Variants in CSMD2 observed in about 807,000 individuals in gnomAD.
CSMD2 encodes CUB and sushi domain-containing protein 2.
Under a neutral mutation model 398.5 loss-of-function variants are expected in CSMD2, and 130 were observed. The ratio of observed to expected loss-of-function variants is 0.33; its 90% CI spans 0.28 to 0.38. CSMD2 has a LOEUF of 0.38. Among genes scored for constraint, CSMD2 ranks in the 10% least tolerant of loss-of-function variants. CSMD2 has a pLI of 1.00. For missense variants in CSMD2, 3,829 were observed against 4,764.9 expected, an observed-to-expected ratio of 0.80 and a Z score of 5.78; for synonymous variants, 1,828 against 1,908.5, an observed-to-expected ratio of 0.96 and a Z score of 1.10.
intron 5 of CSMD2, among the ~76,000 whole-genome samples, chr1:33,850,242 C>T (rs1162772004): frequency 6.6e-6 from 1 of 152,142 alleles, no homozygotes; most frequent in Non-Finnish European, 1.5e-5. Flanking sequence ...CACACACACA[C>T]ACAGTTCTCC....
At chr1:33,857,613 C>T (rs1639191586) in intron 5 of CSMD2, among the ~76,000 whole-genome samples, 1 of 152,092 alleles carries the variant, frequency 6.6e-6, no homozygotes, top group Non-Finnish European at 1.5e-5. Flanking sequence ...GATTCACTCT[C>T]TCACCTTCAC....
At position 33,779,718 on chromosome 1, in the gene CSMD2, C is replaced by T. The variant is rs978582294; in HGVS notation, c.1664-6967G>A. On this transcript the variant is annotated intron_variant, in intron 12 of 70. Coordinates refer to ENST00000373381, the MANE Select transcript of CSMD2 (RefSeq NM_001281956.2). ...GCAGACTTAGGAGCTCTTTCTCTCT[C>T]GCTCCCAGCCCCCTTGGACATTTCT... Among the ~76,000 whole-genome samples the T allele has an allele frequency of 6.6e-5, 10 of 152,336 alleles. No individual in the cohort carries two copies. The South Asian group carries it at 8.3e-4, about 13-fold the overall frequency.
rs1260373952 is a variant in CSMD2 at position 34,164,972 on chromosome 1, TGGC to T, written c.123_125del (p.Pro42del). 2 of 1,214,570 alleles carry T rather than the reference TGGC, an allele frequency of 1.6e-6. No individual in the cohort carries two copies. The highest frequency in any genetic ancestry group is 4.1e-5 in the South Asian group (1 of 24,482). 75.2% of individuals were successfully genotyped at this position (1,214,570 alleles called of 1,614,324 possible). On this transcript the variant is annotated inframe_deletion, in exon 1 of 71. Coordinates refer to ENST00000373381, the MANE Select transcript of CSMD2 (RefSeq NM_001281956.2). This position sits in a 1 kb window ranked among gnomAD's most constrained non-coding sequence, Gnocchi z 6.2. ...GCAACAGCAGCAGAGGCGGCGGCGT[TGGC>T]GGCGGCGGGCGGCCCCAGCGGCTCC...
intron 14 of CSMD2, 45 bp downstream of exon 14, chr1:33,743,235 A>T: frequency 6.7e-7 from 1 of 1,503,694 alleles, no homozygotes. Context: ...CCTCAGAGGC[A>T]GACACTCAGA....
chr1:34,063,135 A>C lies in CSMD2; in HGVS notation c.404+25842T>G, dbSNP rs576267074. Among the ~76,000 whole-genome samples the C allele has an allele frequency of 3.3e-5, 5 of 152,166 alleles. No individual in the cohort carries two copies. The South Asian group carries it at 1.0e-3, about 31-fold the overall frequency. On this transcript the variant is annotated intron_variant, in intron 2 of 70. Transcript: ENST00000373381. The stretch of plus-strand genomic sequence containing the variant: ...CCTCCCACCTGATCCTTCCCACAGC[A>C]TGTAGGAATTATGGGAGTACAATTC...
intron 64 of CSMD2, among the ~76,000 whole-genome samples, chr1:33,532,075 C>T (rs911073947): frequency 7.9e-5 from 12 of 152,116 alleles, no homozygotes; most frequent in African/African-American, 2.2e-4. Flanking sequence ...AATAAAACAC[C>T]GTTAGTAAGT....
At chr1:33,852,433 C>T (rs941963686) in intron 5 of CSMD2, among the ~76,000 whole-genome samples, 1 of 152,230 alleles carries the variant, frequency 6.6e-6, no homozygotes, top group Admixed American at 6.5e-5. Context: ...ATGGCTTGTA[C>T]ATCCTGGAAT....
At chr1:33,604,388 C>G (rs1208567512) in intron 42 of CSMD2, among the ~76,000 whole-genome samples, 1 of 152,210 alleles carries the variant, frequency 6.6e-6, no homozygotes, top group Non-Finnish European at 1.5e-5. Flanking sequence ...ACAAGGTCCT[C>G]TTTCCATCGA....
chr1:34,117,182 A>C (rs1184991903), intron 1 of CSMD2, among the ~76,000 whole-genome samples: 4 of 152,098 alleles, frequency 2.6e-5, no homozygotes, highest in Non-Finnish European at 5.9e-5. Context: ...AAAATGGGGA[A>C]AAATAAACAA....
intron 23 of CSMD2, 123 bp from the exon 24 acceptor site, chr1:33,699,067 G>A (rs149430619): frequency 7.2e-6 from 5 of 692,676 alleles, no homozygotes; most frequent in Non-Finnish European, 9.4e-6. Flanking sequence ...GGGTTCTGAT[G>A]GATTCACCAG....
chr1:33,927,092 T>C (rs1178535990), intron 4 of CSMD2, among the ~76,000 whole-genome samples: 4 of 152,160 alleles, frequency 2.6e-5, no homozygotes, highest in African/African-American at 9.7e-5. Context: ...GCCACCATCT[T>C]CCAATTCCAG....
Position 33,752,636 on chromosome 1 carries a change from A to G in CSMD2, c.1847-9030T>C, listed in dbSNP as rs564223068. ...GGATGTTACTATAAGATACCTGATG[A>G]TGTGGAAGCAGCTTTGGAACTGGGT... On this transcript the variant is annotated intron_variant, in intron 13 of 70. Transcript: ENST00000373381. Among the ~76,000 whole-genome samples the G allele has an allele frequency of 3.3e-5, 5 of 152,358 alleles. No homozygotes were observed. In the East Asian group the frequency reaches 9.6e-4, roughly 29 times the overall value.
chr1:33,733,554 C>T (rs1455333909), intron 15 of CSMD2, among the ~76,000 whole-genome samples: 1 of 152,176 alleles, frequency 6.6e-6, no homozygotes, highest in African/African-American at 2.4e-5. Context: ...TGTGTCCCCA[C>T]CCAAATCTCA....
At chr1:33,587,881 C>G (rs550135114) in intron 44 of CSMD2, among the ~76,000 whole-genome samples, 1 of 152,228 alleles carries the variant, frequency 6.6e-6, no homozygotes, top group Non-Finnish European at 1.5e-5. Context: ...AAGTGCTATA[C>G]AAGTGTTAGC....
intron 40 of CSMD2, among the ~76,000 whole-genome samples, chr1:33,612,808 A>G (rs1641104966): frequency 6.6e-6 from 1 of 151,424 alleles, no homozygotes; most frequent in East Asian, 1.9e-4. Flanking sequence ...CAGCCTCCCA[A>G]GTAGCTGGGA....
chr1:33,834,195 C>A (rs1251142970), intron 6 of CSMD2, among the ~76,000 whole-genome samples: 1 of 101,878 alleles, frequency 9.8e-6, no homozygotes, highest in Non-Finnish European at 1.8e-5. Context: ...ATCGCCAAAT[C>A]AATCCTAAGC....
At position 33,726,694 on chromosome 1, in the gene CSMD2, A is replaced by G; in HGVS notation, c.2369-9T>C. On this transcript the variant is annotated splice_polypyrimidine_tract_variant and intron_variant, in intron 15 of 70. Coordinates refer to ENST00000373381, the MANE Select transcript of CSMD2 (RefSeq NM_001281956.2). ...GTGACCACCACAGGGAGCTGGGGGG[A>G]CAGAAGGAAGAGAGGCAGCTTTCTT... 6.2e-7 allele frequency: 1 copy of G among 1,603,462 alleles called. No individual in the cohort carries two copies. The highest frequency in any genetic ancestry group is 1.1e-5 in the South Asian group (1 of 89,750).
intron 5 of CSMD2, among the ~76,000 whole-genome samples, chr1:33,858,656 T>G (rs908876770): frequency 1.3e-5 from 2 of 152,264 alleles, no homozygotes; most frequent in Non-Finnish European, 2.9e-5. Context: ...TTGGACTGAC[T>G]GCTTATGGCC....
intron 15 of CSMD2, among the ~76,000 whole-genome samples, chr1:33,732,917 G>A (rs1646767415): frequency 6.6e-6 from 1 of 152,208 alleles, no homozygotes; most frequent in African/African-American, 2.4e-5. Flanking sequence ...TATAAGGCGG[G>A]CACAGACATT....
Sources: allele counts gnomAD v4.1 joint callset (sites outside exome capture counted in the v4.1 genomes callset), GRCh38; gene constraint gnomAD v4.1.1; non-coding constraint Gnocchi (gnomAD v3.1); transcripts MANE v1.5; gene names NCBI Gene and HGNC (gene_info 2026-07-23, HGNC 2026-07-21).